STXBP4: variants seen among roughly 807,000 people sequenced by gnomAD.
STXBP4 encodes the protein syntaxin-binding protein 4.
STXBP4 carries 55 observed loss-of-function variants against 76.1 expected under a neutral mutation model. That is an observed-to-expected ratio of 0.72 (90% confidence interval 0.58 to 0.91). The LOEUF (loss-of-function observed/expected upper bound fraction) is 0.91, where lower values mean the gene tolerates loss of function less well. Among genes scored for constraint, STXBP4 ranks in the 40% least tolerant of loss-of-function variants. The pLI, the probability that STXBP4 is intolerant of heterozygous loss-of-function variation, is 0.00. For missense variants in STXBP4, 618 were observed against 636.9 expected, an observed-to-expected ratio of 0.97 and a Z score of 0.32; for synonymous variants, 201 against 220.2, an observed-to-expected ratio of 0.91 and a Z score of 0.77.
Position 54,999,746 on chromosome 17 carries a change from C to T in STXBP4, c.402C>T (p.Ala134=). The change falls in exon 6 of 18, where the codon GCC becomes GCT. Residue 134 remains alanine (A), a synonymous_variant. Transcript: ENST00000376352. The stretch of plus-strand genomic sequence containing the variant: ...CTTCAGGAGAATATGGACCTCAAGC[C>T]TCAACATTAAGTCTTTTTTCTTCTC... ...IEASGEYGPQ[A]STLSLFSSPP... 2 of 1,613,524 alleles carry T rather than the reference C, an allele frequency of 1.2e-6. No homozygotes were observed. The highest frequency in any genetic ancestry group is 1.7e-6 in the Non-Finnish European group (2 of 1,179,682).
At chr17:55,076,441 T>G (rs2079182402) in intron 13 of STXBP4, among the ~76,000 whole-genome samples, 1 of 152,200 alleles carries the variant, frequency 6.6e-6, no homozygotes. Context: ...TCAACTCTTG[T>G]TCTTGAAATA....
the STXBP4 span, among the ~76,000 whole-genome samples, chr17:55,202,967 T>A: frequency 2.0e-5 from 3 of 152,168 alleles, no homozygotes; most frequent in Non-Finnish European, 4.4e-5. Flanking sequence ...AGGAAAAAGC[T>A]TCATTTTTCC....
rs192713317 is a variant in STXBP4, at chr17:55,116,995, A to G, written c.1490-24315A>G. On this transcript the variant is annotated intron_variant, in intron 16 of 17. Transcript: ENST00000376352. ...AATACTGCAGATGAGTTAATAAGATAAGCATAATTAAGAATCTTTCTAGAA... is the reference window on the plus strand; with the variant it reads ...AATACTGCAGATGAGTTAATAAGATGAGCATAATTAAGAATCTTTCTAGAA... Among the ~76,000 whole-genome samples, 9 of 151,992 alleles carry G rather than the reference A, an allele frequency of 5.9e-5. No individual in the cohort carries two copies. The East Asian group carries it at 1.7e-3, about 29-fold the overall frequency.
At chr17:55,065,267 CT>C (rs2079037480) in intron 12 of STXBP4, among the ~76,000 whole-genome samples, 1 of 152,152 alleles carries the variant, frequency 6.6e-6, no homozygotes. Flanking sequence ...CCAGTTTTCA[CT>C]GATTTATTCA....
intron 16 of STXBP4, 67 bp from the exon 17 acceptor site, chr17:55,141,243 T>TG: frequency 1.5e-6 from 2 of 1,301,702 alleles, no homozygotes; most frequent in Non-Finnish European, 2.2e-6. Flanking sequence ...GAGGGAGGTT[T>TG]GTGTCCAGGA....
chr17:55,084,403 T>C (rs2079297102), intron 16 of STXBP4, among the ~76,000 whole-genome samples: 1 of 152,192 alleles, frequency 6.6e-6, no homozygotes, highest in Non-Finnish European at 1.5e-5. Context: ...ATGAGTAGGT[T>C]GCGAAAATTT....
At chr17:55,075,528 T>G (rs557396209) in intron 13 of STXBP4, among the ~76,000 whole-genome samples, 6 of 152,284 alleles carry the variant, frequency 3.9e-5, no homozygotes, top group African/African-American at 1.4e-4. Flanking sequence ...GTGTAATAGT[T>G]ACCTGCTAGG....
downstream of STXBP4, among the ~76,000 whole-genome samples, chr17:55,177,886 C>A (rs1361010795): frequency 6.6e-6 from 1 of 152,186 alleles, no homozygotes; most frequent in Non-Finnish European, 1.5e-5. Context: ...AAACAAAGCA[C>A]CTCCTGGTGA....
At chr17:54,976,841 G>T (rs988287529) in intron 1 of STXBP4, among the ~76,000 whole-genome samples, 1 of 152,142 alleles carries the variant, frequency 6.6e-6, no homozygotes, top group Non-Finnish European at 1.5e-5. Context: ...TGGAAAAATT[G>T]TCTTCCACAA....
chr17:54,981,406 T>TA (rs1214627847), intron 1 of STXBP4, among the ~76,000 whole-genome samples: 3 of 151,712 alleles, frequency 2.0e-5, no homozygotes, highest in Non-Finnish European at 4.4e-5. Context: ...AGGGCCAGAA[T>TA]AAAAATTACA....
the STXBP4 span, among the ~76,000 whole-genome samples, chr17:55,199,770 A>G: frequency 6.6e-6 from 1 of 152,214 alleles, no homozygotes; most frequent in African/African-American, 2.4e-5. Flanking sequence ...AGCCTACTCA[A>G]TGGTTTTCCA....
chr17:55,010,372 A>G (rs961963119), intron 8 of STXBP4, among the ~76,000 whole-genome samples: 3 of 152,014 alleles, frequency 2.0e-5, no homozygotes, highest in Admixed American at 2.0e-4. Flanking sequence ...ATAACACTGA[A>G]CTAGTTATTT....
chr17:55,153,056 T>A (rs1180311649), intron 17 of STXBP4, among the ~76,000 whole-genome samples: 3 of 152,154 alleles, frequency 2.0e-5, no homozygotes, highest in Non-Finnish European at 4.4e-5. Flanking sequence ...TGGGTCTAGA[T>A]CCCGGCTCTA....
At chr17:55,200,881 A>G in the STXBP4 span, among the ~76,000 whole-genome samples, 1 of 152,356 alleles carries the variant, frequency 6.6e-6, no homozygotes, top group Non-Finnish European at 1.5e-5. Context: ...CCATAAACAA[A>G]GACAATGGAA....
chr17:54,975,349 A>G (rs1192934415), intron 1 of STXBP4, among the ~76,000 whole-genome samples: 1 of 152,074 alleles, frequency 6.6e-6, no homozygotes, highest in Non-Finnish European at 1.5e-5. Flanking sequence ...TTGCATTTTC[A>G]TTTTGTATTG....
chr17:55,129,012 C>T (rs1325508535), intron 16 of STXBP4, among the ~76,000 whole-genome samples: 1 of 150,602 alleles, frequency 6.6e-6, no homozygotes, highest in Non-Finnish European at 1.5e-5. Flanking sequence ...TCACTGCAAC[C>T]TCCATCTCCT....
intron 16 of STXBP4, among the ~76,000 whole-genome samples, chr17:55,127,967 T>C (rs925193996): frequency 6.6e-6 from 1 of 152,176 alleles, no homozygotes; most frequent in African/African-American, 2.4e-5. Flanking sequence ...CTTCATTTCA[T>C]CTAGTCTGTG....
intron 16 of STXBP4, among the ~76,000 whole-genome samples, chr17:55,118,114 A>G (rs1277394161): frequency 6.6e-6 from 1 of 152,054 alleles, no homozygotes; most frequent in East Asian, 1.9e-4. Flanking sequence ...GATGAAACAG[A>G]CATGATCCCT....
intron 8 of STXBP4, among the ~76,000 whole-genome samples, chr17:55,030,485 G>T (rs1245888712): frequency 6.6e-6 from 1 of 152,192 alleles, no homozygotes; most frequent in African/African-American, 2.4e-5. Flanking sequence ...TGTACAAGGG[G>T]CTGGGAAATG....
Sources: allele counts gnomAD v4.1 joint callset (sites outside exome capture counted in the v4.1 genomes callset), GRCh38; gene constraint gnomAD v4.1.1; transcripts MANE v1.5; gene names NCBI Gene and HGNC (gene_info 2026-07-23, HGNC 2026-07-21).